PRKD3: variants seen among roughly 807,000 people sequenced by gnomAD.
PRKD3 encodes the protein serine/threonine-protein kinase D3.
A neutral mutation model predicts 99.2 loss-of-function variants in PRKD3; 47 were observed. The ratio of observed to expected loss-of-function variants is 0.47; its 90% confidence interval spans 0.38 to 0.60. The LOEUF is 0.60. PRKD3 is among the 20% of genes least tolerant of loss of function. PRKD3 has a pLI of 0.00. For missense variants in PRKD3, 1,019 were observed against 1,088.4 expected (o/e 0.94, Z 0.90); for synonymous variants, 392 against 355.4 (o/e 1.10, Z -1.16).
At chr2:37,266,195 A>G (rs530072098) in intron 14 of PRKD3, among the ~76,000 whole-genome samples, 2 of 152,332 alleles carry the variant, frequency 1.3e-5, no homozygotes, top group African/African-American at 4.8e-5. Flanking sequence ...AAATGTTACT[A>G]TTAGCAACAA....
At chr2:37,290,370 T>A (rs537160370) in intron 4 of PRKD3, among the ~76,000 whole-genome samples, 1 of 152,164 alleles carries the variant, frequency 6.6e-6, no homozygotes, top group African/African-American at 2.4e-5. Context: ...GTAGCTGGGA[T>A]TACAGGCATC....
chr2:37,276,248 T>C (rs1461841669), intron 9 of PRKD3, among the ~76,000 whole-genome samples: 1 of 152,160 alleles, frequency 6.6e-6, no homozygotes, highest in East Asian at 1.9e-4. Flanking sequence ...GATAGTGTTA[T>C]ATTATTCTAC....
At chr2:37,298,765 T>G (rs113578357) in intron 2 of PRKD3, among the ~76,000 whole-genome samples, 5,300 of 152,314 alleles carry the variant, frequency 0.035, 107 homozygotes, top group Non-Finnish European at 0.048. Context: ...GATTTCTGTA[T>G]GTTGATTTTG....
At position 37,285,611 on chromosome 2, in the gene PRKD3, A is replaced by G. The variant is rs185226478; in HGVS notation, c.910+566T>C. Among the ~76,000 whole-genome samples the G allele has an allele frequency of 2.0e-5, 3 of 152,250 alleles. No homozygotes were observed. In the East Asian group the frequency reaches 5.8e-4, roughly 29 times the overall value. ...ATGAAAAGAGGAAAGCGTTATTTTT[A>G]TTTTGTTTAGTGTCTGGCTCTGGAA... On this transcript the variant is annotated intron_variant, in intron 6 of 18. Coordinates refer to ENST00000234179, the MANE Select transcript of PRKD3 (RefSeq NM_005813.6).
chr2:37,306,044 C>T (rs76132562), intron 2 of PRKD3, among the ~76,000 whole-genome samples: 3,526 of 151,072 alleles, frequency 0.023, 63 homozygotes, highest in Middle Eastern at 0.051. Context: ...GCATAATATA[C>T]TCTGTTATCT....
chr2:37,318,131 T>C (rs777698994), intron 1 of PRKD3, among the ~76,000 whole-genome samples: 22 of 152,098 alleles, frequency 1.4e-4, no homozygotes, highest in Non-Finnish European at 2.6e-4. Context: ...AGTAACTCTC[T>C]GCAGAGTAGT....
intron 6 of PRKD3, among the ~76,000 whole-genome samples, chr2:37,285,670 G>A (rs1670056483): frequency 6.6e-6 from 1 of 152,132 alleles, no homozygotes; most frequent in African/African-American, 2.4e-5. Flanking sequence ...TATCAGCTTT[G>A]CTGCCTACTA....
intron 5 of PRKD3, among the ~76,000 whole-genome samples, chr2:37,287,428 CTT>C (rs1038590954): frequency 8.0e-5 from 12 of 150,842 alleles, no homozygotes; most frequent in African/African-American, 1.2e-4. Context: ...TTCTCTGTCT[CTT>C]GTTTTTTTCT....
intron 2 of PRKD3, among the ~76,000 whole-genome samples, chr2:37,305,037 T>C (rs1465165858): frequency 1.3e-5 from 2 of 151,906 alleles, no homozygotes; most frequent in Non-Finnish European, 2.9e-5. Context: ...ACAAAAAAAG[T>C]AGGGGTAGAA....
In PRKD3 at chr2:37,252,547, A is replaced by G. The variant is rs1224919699; in HGVS notation, c.*630T>C. On this transcript the variant is annotated 3_prime_UTR_variant, in exon 19 of 19. Transcript: ENST00000234179. ...ATTCAGAGTAGCAGAGCAACTCCAA[A>G]AAGGTTAGGAATCACTATTTTGGAG... The G allele has an allele frequency of 1.3e-5, 2 of 152,158 alleles. No individual in the cohort carries two copies. The highest frequency in any genetic ancestry group is 4.8e-5 in the African/African-American group (2 of 41,444). 9.4% of individuals were successfully genotyped at this position (152,158 alleles called of 1,614,324 possible).
intron 2 of PRKD3, among the ~76,000 whole-genome samples, chr2:37,304,171 C>T (rs1196683607): frequency 6.9e-6 from 1 of 144,064 alleles, no homozygotes; most frequent in Non-Finnish European, 1.5e-5. Flanking sequence ...AATCCCCAAG[C>T]ACTTTGTACT....
intron 2 of PRKD3, among the ~76,000 whole-genome samples, chr2:37,306,809 AAAAAAC>A (rs1322130627): frequency 6.6e-6 from 1 of 152,202 alleles, no homozygotes; most frequent in African/African-American, 2.4e-5. Flanking sequence ...ATCCTGTCTC[AAAAAAC>A]AAAAACAAAA....
intron 14 of PRKD3, among the ~76,000 whole-genome samples, chr2:37,265,563 T>C (rs1234109378): frequency 6.6e-6 from 1 of 152,170 alleles, no homozygotes; most frequent in Non-Finnish European, 1.5e-5. Context: ...TGCATATGGT[T>C]TGCAGACAGA....
intron 14 of PRKD3, among the ~76,000 whole-genome samples, chr2:37,264,089 A>T: frequency 6.6e-6 from 1 of 152,172 alleles, no homozygotes; most frequent in East Asian, 1.9e-4. Flanking sequence ...ATAATCTAGG[A>T]AACAAAAGGA....
At chr2:37,272,165 T>C (rs866536726) in intron 12 of PRKD3, among the ~76,000 whole-genome samples, 50 of 152,236 alleles carry the variant, frequency 3.3e-4, no homozygotes, top group African/African-American at 1.1e-3. Flanking sequence ...AACACTGTAA[T>C]GTAACTTTTT....
chr2:37,255,257 T>C (rs1321722035), intron 17 of PRKD3, among the ~76,000 whole-genome samples: 1 of 152,268 alleles, frequency 6.6e-6, no homozygotes. Context: ...CTTAAACTTT[T>C]CCCAGTTTGA....
intron 7 of PRKD3, among the ~76,000 whole-genome samples, chr2:37,280,382 C>A (rs1305174071): frequency 1.3e-5 from 2 of 151,940 alleles, no homozygotes; most frequent in Admixed American, 6.6e-5. Flanking sequence ...AAAAAATACA[C>A]AAATCATAAG....
At chr2:37,315,130 CA>C (rs1429881793) in intron 2 of PRKD3, among the ~76,000 whole-genome samples, 2 of 152,110 alleles carry the variant, frequency 1.3e-5, no homozygotes, top group Non-Finnish European at 2.9e-5. Context: ...AGAAAGTTTA[CA>C]ATTTGTTTGA....
Position 37,316,710 on chromosome 2 carries a change from A to C in PRKD3, c.-186T>G. ...TTTATCAAGGAGTTGAATGCCCCAA[A>C]GGTCCTATTTCTCTTAATATCAGTC... On this transcript the variant is annotated 5_prime_UTR_variant, in exon 2 of 19. Transcript: ENST00000234179. The C allele has an allele frequency of 7.0e-7, 1 of 1,423,430 alleles. No individual in the cohort carries two copies. The highest frequency in any genetic ancestry group is 3.0e-5 in the Admixed American group (1 of 33,570). 88.2% of individuals were successfully genotyped at this position (1,423,430 alleles called of 1,614,324 possible).
Sources: gnomAD v4.1 joint callset for allele counts (sites outside exome capture counted in the v4.1 genomes callset) on GRCh38, gnomAD v4.1.1 for gene constraint, MANE v1.5 for transcripts, NCBI Gene and HGNC (gene_info 2026-07-23, HGNC 2026-07-21) for gene names.